Variants in CTNNA3 observed in about 807,000 individuals in gnomAD.
CTNNA3 encodes catenin alpha 3, also known as catenin alpha-3.
A neutral mutation model predicts 95.7 loss-of-function variants in CTNNA3; 76 were observed. The ratio of observed to expected loss-of-function variants is 0.79; its 90% confidence interval spans 0.66 to 0.96. The LOEUF (loss-of-function observed/expected upper bound fraction) is 0.96. CTNNA3 is among the 40% of genes least tolerant of loss of function. The pLI, the probability that CTNNA3 is intolerant of heterozygous loss-of-function variation, is 0.00. For missense variants in CTNNA3, 1,191 were observed against 1,089.8 expected (o/e 1.09, Z -1.31); for synonymous variants, 431 against 374.4 (o/e 1.15, Z -1.74).
chr10:67,342,706 C>T (rs1464411911), intron 5 of CTNNA3, among the ~76,000 whole-genome samples: 1 of 152,026 alleles, frequency 6.6e-6, no homozygotes, highest in Non-Finnish European at 1.5e-5. Flanking sequence ...TCTTTTTTCG[C>T]CAATGTATGT....
intron 11 of CTNNA3, among the ~76,000 whole-genome samples, chr10:66,443,694 C>A: frequency 6.6e-6 from 1 of 151,932 alleles, no homozygotes; most frequent in Non-Finnish European, 1.5e-5. Context: ...CATCAAAGAC[C>A]AAAAGTAGAT....
At chr10:66,815,048 C>T (rs1309917281) in intron 7 of CTNNA3, among the ~76,000 whole-genome samples, 1 of 151,820 alleles carries the variant, frequency 6.6e-6, no homozygotes, top group Non-Finnish European at 1.5e-5. Flanking sequence ...GACGGGGTTT[C>T]ACCGTATTCG....
At position 67,415,100 on chromosome 10, in the gene CTNNA3, A is replaced by G. The variant is rs117339564; in HGVS notation, c.579+106742T>C. Among the ~76,000 whole-genome samples, 218 of 152,316 alleles carry G rather than the reference A, an allele frequency of 1.4e-3. 2 individuals are homozygous for G. Among genetic ancestry groups the G allele is most frequent in the Non-Finnish European group, 2.3e-3 (159 of 68,020 alleles). On this transcript the variant is annotated intron_variant, in intron 5 of 17. Coordinates refer to ENST00000433211, the MANE Select transcript of CTNNA3 (RefSeq NM_013266.4). Reference sequence around the variant, plus strand: ...TATTTCCCTTGAGAACTAGAACAAGACAAGGCTGCCTACTCTCACCACTTC... The same window carrying G: ...TATTTCCCTTGAGAACTAGAACAAGGCAAGGCTGCCTACTCTCACCACTTC...
chr10:66,494,591 T>G (rs1840039860), intron 11 of CTNNA3, among the ~76,000 whole-genome samples: 1 of 151,166 alleles, frequency 6.6e-6, no homozygotes, highest in South Asian at 2.1e-4. Context: ...TTCCAAACTC[T>G]TAAGACTGGT....
At position 67,559,857 on chromosome 10, in the gene CTNNA3, C is replaced by T. The variant is rs545506725; in HGVS notation, c.293-20188G>A. ...TGAAGAATGCAGAAGCCTCAGGAGC[C>T]GATGCGATCAACTGGAAGAAAGGGT... On this transcript the variant is annotated intron_variant, in intron 3 of 17. Coordinates refer to ENST00000433211, the MANE Select transcript of CTNNA3 (RefSeq NM_013266.4). Among the ~76,000 whole-genome samples the T allele has an allele frequency of 8.8e-4, 134 of 151,916 alleles. 1 individual carries two copies. Among genetic ancestry groups the T allele is most frequent in the African/African-American group, 3.1e-3 (129 of 41,382 alleles).
intron 9 of CTNNA3, among the ~76,000 whole-genome samples, chr10:66,643,010 T>C (rs141387392): frequency 6.6e-6 from 1 of 152,218 alleles, no homozygotes; most frequent in East Asian, 1.9e-4. Flanking sequence ...GATAGATACA[T>C]AGATACACAT....
intron 9 of CTNNA3, among the ~76,000 whole-genome samples, chr10:66,639,617 A>G (rs1845448812): frequency 6.6e-6 from 1 of 152,134 alleles, no homozygotes; most frequent in Non-Finnish European, 1.5e-5. Flanking sequence ...TCAATAATAT[A>G]ACTTTAAATC....
chr10:67,713,291 C>T (rs1049244316), intron 1 of CTNNA3, among the ~76,000 whole-genome samples: 57 of 152,318 alleles, frequency 3.7e-4, no homozygotes, highest in Middle Eastern at 3.4e-3. Context: ...ACAACAGATG[C>T]TGGAGAGCAT....
chr10:67,224,922 C>T (rs1021533403), intron 5 of CTNNA3, among the ~76,000 whole-genome samples: 17 of 151,984 alleles, frequency 1.1e-4, no homozygotes, highest in Admixed American at 6.5e-4. Flanking sequence ...GACTCCACAG[C>T]GTGGGGGAAG....
At chr10:66,958,594 T>C (rs1848958078) in intron 7 of CTNNA3, among the ~76,000 whole-genome samples, 1 of 152,112 alleles carries the variant, frequency 6.6e-6, no homozygotes, top group Non-Finnish European at 1.5e-5. Context: ...ATCCTGCCAT[T>C]TTATTAAATA....
chr10:67,647,599 G>A, intron 1 of CTNNA3, 81 bp from the exon 2 acceptor site: 1 of 1,104,064 alleles, frequency 9.1e-7, no homozygotes, highest in South Asian at 1.4e-5. Context: ...CATGGAATAG[G>A]TAAAACTTGT....
Position 66,360,833 on chromosome 10 carries a change from CTTTCTT to C in CTNNA3, c.1732+18313_1732+18318del, listed in dbSNP as rs2092665969. Among the ~76,000 whole-genome samples, 2 of 87,404 alleles carry C rather than the reference CTTTCTT, an allele frequency of 2.3e-5. 1 individual carries two copies. Among genetic ancestry groups the C allele is most frequent in the Non-Finnish European group, 4.6e-5 (2 of 43,860 alleles). 57.3% of individuals were successfully genotyped at this position (87,404 alleles called of 152,430 possible). A position where few individuals can be genotyped will look rare whatever the true frequency, so the allele number is the denominator to read the frequency against. On this transcript the variant is annotated intron_variant, in intron 12 of 17. Coordinates refer to ENST00000433211, the MANE Select transcript of CTNNA3 (RefSeq NM_013266.4). ...CCTTCCTTCCTTTCTTTCTTTCTTTCTTTCTTTCTTTCTTTCTTTCTTTCCTTTCTC... is the reference window on the plus strand; with the variant it reads ...CCTTCCTTCCTTTCTTTCTTTCTTTCTCTTTCTTTCTTTCTTTCCTTTCTC...
intron 16 of CTNNA3, among the ~76,000 whole-genome samples, chr10:65,968,697 A>G (rs910697260): frequency 6.6e-5 from 10 of 152,210 alleles, no homozygotes; most frequent in Non-Finnish European, 1.2e-4. Flanking sequence ...AGGTATGTAG[A>G]GGAGCCTCTC....
At chr10:66,118,227 C>A (rs930902377) in intron 13 of CTNNA3, 1 of 152,068 alleles carries the variant, frequency 6.6e-6, no homozygotes, top group South Asian at 2.1e-4. Flanking sequence ...TTCCTTATGT[C>A]TTTGCTTTGT....
At chr10:67,010,965 TAATA>T (rs1349402296) in intron 7 of CTNNA3, among the ~76,000 whole-genome samples, 2 of 152,178 alleles carry the variant, frequency 1.3e-5, no homozygotes, top group South Asian at 2.1e-4. Flanking sequence ...AACTATAATA[TAATA>T]GAGAATCTAC....
chr10:66,500,508 A>AG (rs1280927091), intron 11 of CTNNA3, among the ~76,000 whole-genome samples: 1 of 152,176 alleles, frequency 6.6e-6, no homozygotes, highest in Non-Finnish European at 1.5e-5. Context: ...TTAAGAAGAA[A>AG]GGGTCAAGTC....
At chr10:67,229,279 T>C (rs974378977) in intron 5 of CTNNA3, among the ~76,000 whole-genome samples, 1 of 152,140 alleles carries the variant, frequency 6.6e-6, no homozygotes, top group East Asian at 1.9e-4. Context: ...CCATTTATAA[T>C]TAAAATATCA....
At chr10:66,290,775 G>A (rs10997035) in intron 12 of CTNNA3, among the ~76,000 whole-genome samples, 34,420 of 151,980 alleles carry the variant, frequency 0.23, 4,077 homozygotes, top group Admixed American at 0.29. Flanking sequence ...ATCTCAACAT[G>A]GCTTTTGACA....
Position 67,715,878 on chromosome 10 carries a change from AT to A in CTNNA3, c.-2+47555del, listed in dbSNP as rs949778932. The stretch of plus-strand genomic sequence containing the variant: ...ACAGGTGAAAAAGTTTGGGGCAGGT[AT>A]TTTTTTTAAATGCAGATTTAGTTCT... On this transcript the variant is annotated intron_variant, in intron 1 of 17. Transcript: ENST00000684154. Among the ~76,000 whole-genome samples the A allele has an allele frequency of 4.6e-5, 7 of 151,938 alleles. No homozygotes were observed. In the South Asian group the frequency reaches 6.2e-4, roughly 14 times the overall value.
Sources: allele counts gnomAD v4.1 joint callset (sites outside exome capture counted in the v4.1 genomes callset), GRCh38; gene constraint gnomAD v4.1.1; transcripts MANE v1.5; gene names NCBI Gene and HGNC (gene_info 2026-07-23, HGNC 2026-07-21).